DNAH11: variants seen among roughly 807,000 people sequenced by gnomAD.
The protein encoded by DNAH11 is axonemal beta dynein heavy chain 11.
Under a neutral mutation model 526.0 loss-of-function variants are expected in DNAH11, and 442 were observed. The ratio of observed to expected loss-of-function variants is 0.84; its 90% CI spans 0.78 to 0.91. The LOEUF (loss-of-function observed/expected upper bound fraction) is 0.91. DNAH11 is among the 40% of genes least tolerant of loss of function. The pLI, the probability that DNAH11 is intolerant of heterozygous loss-of-function variation, is 0.00. For synonymous variants in DNAH11, 2,461 were observed against 1,935.9 expected (o/e 1.27, Z -7.12); for missense variants, 6,989 against 5,448.7 (o/e 1.28, Z -8.90).
At chr7:21,637,925 A>G (rs556130945) in intron 27 of DNAH11, among the ~76,000 whole-genome samples, 2 of 152,314 alleles carry the variant, frequency 1.3e-5, no homozygotes, top group East Asian at 3.9e-4. Flanking sequence ...TGAGAGGAGT[A>G]TTATACTAGT....
chr7:21,831,288 A>T (rs1781757049), intron 65 of DNAH11, among the ~76,000 whole-genome samples: 1 of 152,176 alleles, frequency 6.6e-6, no homozygotes, highest in Non-Finnish European at 1.5e-5. Flanking sequence ...CAACAAAGTG[A>T]TTCTGTTTGC....
At chr7:21,887,560 G>A (rs1357836325) in intron 76 of DNAH11, among the ~76,000 whole-genome samples, 1 of 151,964 alleles carries the variant, frequency 6.6e-6, no homozygotes, top group African/African-American at 2.4e-5. Context: ...TCTTAGCCTT[G>A]GTTTCATAAT....
chr7:21,850,298 G>A (rs1782576303), intron 66 of DNAH11, among the ~76,000 whole-genome samples: 2 of 148,238 alleles, frequency 1.3e-5, no homozygotes. Flanking sequence ...GGAGCTTGCA[G>A]TGACCCGAGA....
intron 55 of DNAH11, among the ~76,000 whole-genome samples, chr7:21,765,987 C>T (rs1247911454): frequency 6.6e-6 from 1 of 152,208 alleles, no homozygotes; most frequent in East Asian, 1.9e-4. Flanking sequence ...ACCGTAGCCA[C>T]GCACTGCTTG....
At position 21,857,956 on chromosome 7, in the gene DNAH11, T is replaced by C. The variant is rs144546544; in HGVS notation, c.11202+3501T>C. Reference sequence around the variant, plus strand: ...CCTTATCAAGCTTAAAAGTTTATGGTTTTCAAAAGATATGAAGATGAAAAG... The same window carrying C: ...CCTTATCAAGCTTAAAAGTTTATGGCTTTCAAAAGATATGAAGATGAAAAG... On this transcript the variant is annotated intron_variant, in intron 68 of 81. Transcript: ENST00000409508. 2.1e-3 allele frequency among the ~76,000 whole-genome samples: 320 copies of C among 152,098 alleles called. 2 individuals are homozygous for C. Among genetic ancestry groups the C allele is most frequent in the African/African-American group, 7.4e-3 (306 of 41,492 alleles).
intron 47 of DNAH11, 23 bp downstream of exon 47, chr7:21,738,889 CT>C: frequency 6.5e-7 from 1 of 1,532,434 alleles, no homozygotes; most frequent in Non-Finnish European, 8.8e-7. Flanking sequence ...CTGTAGTTTA[CT>C]CTCTCCCAAA....
chr7:21,801,229 C>T lies in DNAH11; in HGVS notation c.10119C>T (p.Asn3373=). ...VRCQEEVNQT[N]KTIKLANRLV... ...GTCAAGAAGAGGTGAACCAAACCAA[C>T]AAAACCATCAAATTAGCTAACAGAC... is the stretch of plus-strand genomic sequence containing the variant. The change falls in exon 62 of 82, where the codon AAC becomes AAT. Residue 3373 remains asparagine (N), a synonymous_variant. Coordinates refer to ENST00000409508, the MANE Select transcript of DNAH11 (RefSeq NM_001277115.2). The T allele has an allele frequency of 1.9e-6, 3 of 1,613,904 alleles. No homozygotes were observed. The highest frequency in any genetic ancestry group is 1.7e-6 in the Non-Finnish European group (2 of 1,179,842).
At chr7:21,630,432 T>G (rs938534389) in intron 25 of DNAH11, among the ~76,000 whole-genome samples, 1 of 152,238 alleles carries the variant, frequency 6.6e-6, no homozygotes, top group East Asian at 1.9e-4. Flanking sequence ...TTAAATACAT[T>G]GTTTAATGTC....
chr7:21,562,335 C>T (rs1389795635), intron 5 of DNAH11, among the ~76,000 whole-genome samples: 3 of 152,222 alleles, frequency 2.0e-5, no homozygotes, highest in East Asian at 1.9e-4. Flanking sequence ...CCAAATGTCC[C>T]CTGGGGGCAA....
intron 65 of DNAH11, among the ~76,000 whole-genome samples, chr7:21,842,138 T>C (rs1782225749): frequency 6.6e-6 from 1 of 152,250 alleles, no homozygotes; most frequent in Non-Finnish European, 1.5e-5. Context: ...CACTCTTGTT[T>C]ATATCAATTA....
At chr7:21,837,159 A>G (rs556557638) in intron 65 of DNAH11, among the ~76,000 whole-genome samples, 1 of 152,314 alleles carries the variant, frequency 6.6e-6, no homozygotes, top group Admixed American at 6.5e-5. Flanking sequence ...GTAAATCGGT[A>G]TAGCCATTAT....
At chr7:21,566,309 A>C (rs937600502) in intron 6 of DNAH11, among the ~76,000 whole-genome samples, 6 of 152,112 alleles carry the variant, frequency 3.9e-5, no homozygotes, top group African/African-American at 1.4e-4. Flanking sequence ...TTCTATCCAA[A>C]GGTTTCATTG....
intron 65 of DNAH11, among the ~76,000 whole-genome samples, chr7:21,820,187 C>G (rs1203608042): frequency 1.3e-5 from 2 of 152,088 alleles, no homozygotes; most frequent in Non-Finnish European, 2.9e-5. Context: ...TTGAGTAAAC[C>G]TTCTCTGAGC....
intron 45 of DNAH11, among the ~76,000 whole-genome samples, chr7:21,734,902 T>C (rs932504893): frequency 1.3e-5 from 2 of 151,190 alleles, no homozygotes; most frequent in Non-Finnish European, 2.9e-5. Flanking sequence ...CCGGGTGCAG[T>C]GGCTCAAGCC....
chr7:21,900,032 C>G lies in DNAH11; in HGVS notation c.13215C>G (p.Arg4405=), dbSNP rs368599411. 3 of 1,613,824 alleles carry G rather than the reference C, an allele frequency of 1.9e-6. No homozygotes were observed. Among genetic ancestry groups the G allele is most frequent in the Admixed American group, 1.7e-5 (1 of 59,998 alleles). ...ATGAGTGGCCCCTGGATAAAACGCG[C>G]TTGACTGCTGATGTTACCAAAAAAA... ...RKNEWPLDKT[R]LTADVTKKTK... Residue 4405 remains arginine, a synonymous_variant, in exon 81 of 82, where the codon CGC becomes CGG. Coordinates refer to ENST00000409508, the MANE Select transcript of DNAH11 (RefSeq NM_001277115.2).
chr7:21,783,213 A>G (rs1431728272), intron 57 of DNAH11, among the ~76,000 whole-genome samples: 1 of 152,154 alleles, frequency 6.6e-6, no homozygotes, highest in African/African-American at 2.4e-5. Context: ...AGTAGTTCTC[A>G]GTAAGCATGC....
In DNAH11 at chr7:21,749,815, C is replaced by T. The variant is rs1183488221; in HGVS notation, c.8797+14C>T. On this transcript the variant is annotated intron_variant, in intron 53 of 81. Coordinates refer to ENST00000409508, the MANE Select transcript of DNAH11 (RefSeq NM_001277115.2). ...TGCTGGCATCAGGTGATTAAACCAA[C>T]ACATTTCTTGAAAGATCTTCCCCAA... 6 of 1,613,138 alleles carry T rather than the reference C, an allele frequency of 3.7e-6. No homozygotes were observed. The highest frequency in any genetic ancestry group is 5.1e-6 in the Non-Finnish European group (6 of 1,179,592).
intron 61 of DNAH11, among the ~76,000 whole-genome samples, chr7:21,791,764 TA>T: frequency 6.6e-6 from 1 of 152,318 alleles, no homozygotes; most frequent in South Asian, 2.1e-4. Context: ...ACCCTCTTCC[TA>T]TAGAAAAATC....
chr7:21,844,996 A>T (rs1366003590), intron 66 of DNAH11, among the ~76,000 whole-genome samples: 2 of 152,214 alleles, frequency 1.3e-5, no homozygotes, highest in African/African-American at 4.8e-5. Flanking sequence ...TGCCTTGTGC[A>T]CTAATTGCCA....
Sources: gnomAD v4.1 joint callset for allele counts (sites outside exome capture counted in the v4.1 genomes callset) on GRCh38, gnomAD v4.1.1 for gene constraint, MANE v1.5 for transcripts, NCBI Gene and HGNC (gene_info 2026-07-23, HGNC 2026-07-21) for gene names.